GABRG3: variants seen among roughly 807,000 people sequenced by gnomAD.
GABRG3 encodes the protein gamma-aminobutyric acid receptor subunit gamma-3.
GABRG3 carries 25 observed loss-of-function variants against 48.8 expected under a neutral mutation model. That is an observed-to-expected ratio of 0.51 (90% CI 0.37 to 0.72). The LOEUF is 0.72. GABRG3 is among the 30% of genes least tolerant of loss of function. GABRG3 has a pLI of 0.00. For missense variants in GABRG3, 394 were observed against 577.9 expected (o/e 0.68, Z 3.26); for synonymous variants, 227 against 217.6 (o/e 1.04, Z -0.38).
chr15:27,385,496 A>G (rs539486169), intron 5 of GABRG3, among the ~76,000 whole-genome samples: 5 of 152,038 alleles, frequency 3.3e-5, no homozygotes, highest in African/African-American at 1.2e-4. Context: ...TGGTACTATC[A>G]TTTCACCTGT....
At chr15:27,397,802 A>ATTTT (rs10562407) in intron 5 of GABRG3, among the ~76,000 whole-genome samples, 1 of 122,318 alleles carries the variant, frequency 8.2e-6, no homozygotes, top group Non-Finnish European at 1.7e-5. Flanking sequence ...TCTCTGAAAA[A>ATTTT]TTTTTTTTTT....
At chr15:27,440,584 T>A (rs1356660995) in intron 5 of GABRG3, among the ~76,000 whole-genome samples, 1 of 152,208 alleles carries the variant, frequency 6.6e-6, no homozygotes, top group African/African-American at 2.4e-5. Flanking sequence ...CTATAACAGC[T>A]AATATTGAGG....
chr15:27,130,368 G>A (rs570628567), intron 3 of GABRG3, among the ~76,000 whole-genome samples: 1 of 152,098 alleles, frequency 6.6e-6, no homozygotes, highest in South Asian at 2.1e-4. Context: ...TATTTGTGTG[G>A]CTTTATTTCT....
chr15:27,367,722 T>C (rs1895258253), intron 5 of GABRG3, among the ~76,000 whole-genome samples: 2 of 152,222 alleles, frequency 1.3e-5, no homozygotes, highest in Admixed American at 1.3e-4. Flanking sequence ...CTTTATATGG[T>C]TGATTATTTA....
chr15:27,179,565 C>T lies in GABRG3; in HGVS notation c.271-147244C>T, dbSNP rs942128655. On this transcript the variant is annotated intron_variant, in intron 3 of 9. Coordinates refer to ENST00000615808, the MANE Select transcript of GABRG3 (RefSeq NM_033223.5). This position sits in a 1 kb window ranked among gnomAD's most constrained non-coding sequence, Gnocchi z 4.0. ...GTATGAAAACTTTAAGCAAGAACTA[C>T]CCAAGTGAGCAGTTTCCAGTTTCAA... Among the ~76,000 whole-genome samples, 2 of 152,140 alleles carry T rather than the reference C, an allele frequency of 1.3e-5. No individual in the cohort carries two copies. Among genetic ancestry groups the T allele is most frequent in the Non-Finnish European group, 2.9e-5 (2 of 68,040 alleles).
intron 3 of GABRG3, among the ~76,000 whole-genome samples, chr15:27,056,418 C>T (rs1438336413): frequency 1.3e-5 from 2 of 151,456 alleles, no homozygotes; most frequent in African/African-American, 2.4e-5. Context: ...ATATTGAACC[C>T]GTTGTTTGAG....
intron 5 of GABRG3, chr15:27,366,062 A>T (rs187409762): frequency 6.6e-6 from 1 of 152,340 alleles, no homozygotes; most frequent in Non-Finnish European, 1.5e-5. Context: ...AACTTGCAAC[A>T]TGAAGTGGTC....
intron 2 of GABRG3, among the ~76,000 whole-genome samples, chr15:26,988,554 A>G (rs1390095700): frequency 6.6e-6 from 1 of 152,008 alleles, no homozygotes; most frequent in African/African-American, 2.4e-5. Context: ...TTTCTTGTAG[A>G]TGACATATAG....
Position 27,335,022 on chromosome 15 carries a change from C to T in GABRG3, c.574+6134C>T, listed in dbSNP as rs950002074. 6.6e-5 allele frequency among the ~76,000 whole-genome samples: 10 copies of T among 152,260 alleles called. No homozygotes were observed. The South Asian group carries it at 1.5e-3, about 22-fold the overall frequency. On this transcript the variant is annotated intron_variant, in intron 5 of 9. Transcript: ENST00000615808. ...GGCTTGAATCTGTGATATATAAATACCTCTTAAATAATTTCATTTCTTTTT... is the reference window on the plus strand; with the variant it reads ...GGCTTGAATCTGTGATATATAAATATCTCTTAAATAATTTCATTTCTTTTT...
rs138620671 is a variant in GABRG3 at position 27,023,334 on chromosome 15, C to T, written c.203-3420C>T. 2.0e-5 allele frequency among the ~76,000 whole-genome samples: 3 copies of T among 152,276 alleles called. No homozygotes were observed. The East Asian group carries it at 5.8e-4, about 29-fold the overall frequency. On this transcript the variant is annotated intron_variant, in intron 2 of 9. Coordinates refer to ENST00000615808, the MANE Select transcript of GABRG3 (RefSeq NM_033223.5). ...ATACACATAACATGAAATTTGCCAT[C>T]TTAACCATTGTTAAATGTACAGTTG...
chr15:27,269,047 G>A (rs927062117), intron 3 of GABRG3, among the ~76,000 whole-genome samples: 29 of 152,246 alleles, frequency 1.9e-4, no homozygotes, highest in African/African-American at 6.5e-4. Flanking sequence ...AGGCAGGAGG[G>A]TATATCTAAT....
Position 27,536,407 on chromosome 15 carries a change from C to A in GABRG3, c.*3526C>A, listed in dbSNP as rs138428214. 2.0e-3 allele frequency: 309 copies of A among 152,280 alleles called. 1 individual carries two copies. The highest frequency in any genetic ancestry group is 7.1e-3 in the African/African-American group (296 of 41,562). 9.4% of individuals were successfully genotyped at this position (152,280 alleles called of 1,614,324 possible). ...AACAGAAAGCTCAAATAATACACAT[C>A]TTTTAAGATTTTCCATTTCCTGCAG... On this transcript the variant is annotated 3_prime_UTR_variant, in exon 10 of 10. Transcript: ENST00000615808.
intron 3 of GABRG3, among the ~76,000 whole-genome samples, chr15:27,097,622 G>A (rs1231622908): frequency 6.6e-6 from 1 of 151,786 alleles, no homozygotes. Flanking sequence ...TCACCCTGCC[G>A]CAGAGACACT....
chr15:27,332,540 A>AC (rs1893837518), intron 5 of GABRG3, among the ~76,000 whole-genome samples: 1 of 152,100 alleles, frequency 6.6e-6, no homozygotes, highest in African/African-American at 2.4e-5. Flanking sequence ...TCTAAAAAAA[A>AC]GAAAAAGAAG....
intron 3 of GABRG3, among the ~76,000 whole-genome samples, chr15:27,292,074 G>A (rs1456203322): frequency 6.6e-6 from 1 of 152,166 alleles, no homozygotes; most frequent in Non-Finnish European, 1.5e-5. Context: ...TGCTGAGAAT[G>A]ATGGTTTCCA....
At chr15:27,182,863 C>T (rs528287729) in intron 3 of GABRG3, among the ~76,000 whole-genome samples, 6 of 152,238 alleles carry the variant, frequency 3.9e-5, no homozygotes, top group East Asian at 3.9e-4. Context: ...TGGTGCAGGC[C>T]GCTAATGGGA....
chr15:26,973,971 T>C (rs1894890516), intron 1 of GABRG3, among the ~76,000 whole-genome samples: 1 of 152,252 alleles, frequency 6.6e-6, no homozygotes, highest in Non-Finnish European at 1.5e-5. Context: ...AGAATATTTC[T>C]ATATTATCCA....
chr15:27,207,407 T>G (rs769015887), intron 3 of GABRG3, among the ~76,000 whole-genome samples: 2 of 152,266 alleles, frequency 1.3e-5, no homozygotes, highest in Non-Finnish European at 2.9e-5. Flanking sequence ...GATTCCGAAC[T>G]CAAGCCTTCC....
intron 5 of GABRG3, among the ~76,000 whole-genome samples, chr15:27,410,376 G>C (rs1179684202): frequency 6.6e-6 from 1 of 151,804 alleles, no homozygotes; most frequent in Non-Finnish European, 1.5e-5. Context: ...AGTTTAGCTT[G>C]GTATTTAGGT....
Sources: gnomAD v4.1 joint callset for allele counts (sites outside exome capture counted in the v4.1 genomes callset) on GRCh38, gnomAD v4.1.1 for gene constraint, Gnocchi (gnomAD v3.1) non-coding constraint, MANE v1.5 for transcripts, NCBI Gene and HGNC (gene_info 2026-07-23, HGNC 2026-07-21) for gene names.